GALNS: variants seen among roughly 807,000 people sequenced by gnomAD.
The protein encoded by GALNS is galactosamine (N-acetyl)-6-sulfatase.
GALNS carries 65 observed loss-of-function variants against 65.9 expected under a neutral mutation model. That is an observed-to-expected ratio of 0.99 (90% CI 0.81 to 1.21). The LOEUF is 1.21. Among genes scored for constraint, GALNS ranks in the 50% most tolerant of loss-of-function variants. GALNS has a pLI of 0.00. For synonymous variants in GALNS, 346 were observed against 288.9 expected (o/e 1.20, Z -2.00); for missense variants, 776 against 700.7 (o/e 1.11, Z -1.21).
chr16:88,833,032 C>G (rs374459194), intron 8 of GALNS, among the ~76,000 whole-genome samples: 7 of 141,936 alleles, frequency 4.9e-5, no homozygotes, highest in African/African-American at 1.9e-4. Flanking sequence ...GAGCTGAGAT[C>G]GCGCCACTGC....
At chr16:88,843,635 G>A (rs896952588) in intron 1 of GALNS, 18 of 177,444 alleles carry the variant, frequency 1.0e-4, no homozygotes, top group Non-Finnish European at 1.5e-4. Flanking sequence ...CTGGAGTGAC[G>A]CAGCCACCAG....
At chr16:88,827,267 A>C (rs988542643) in intron 9 of GALNS, among the ~76,000 whole-genome samples, 2 of 152,168 alleles carry the variant, frequency 1.3e-5, no homozygotes, top group Non-Finnish European at 2.9e-5. Context: ...GAGGCTGGAC[A>C]GGAGCAGCTC....
At chr16:88,849,933 C>T (rs1967429185) in intron 1 of GALNS, among the ~76,000 whole-genome samples, 1 of 152,220 alleles carries the variant, frequency 6.6e-6, no homozygotes, top group African/African-American at 2.4e-5. Flanking sequence ...GGCGAATGCG[C>T]CCATGTCAGG....
chr16:88,839,676 C>A (rs1966881026), intron 4 of GALNS, among the ~76,000 whole-genome samples: 1 of 152,220 alleles, frequency 6.6e-6, no homozygotes, highest in Admixed American at 6.5e-5. Context: ...AGGACCCAGC[C>A]CGGGCCATCC....
At chr16:88,826,881 A>G (rs1367645599) in intron 9 of GALNS, 43 bp from the exon 10 acceptor site, 1 of 1,551,914 alleles carries the variant, frequency 6.4e-7, no homozygotes, top group Non-Finnish European at 8.7e-7. Flanking sequence ...CTCTGCACCG[A>G]CCCGATGGGG....
chr16:88,823,513 C>G (rs1372687348), intron 11 of GALNS, among the ~76,000 whole-genome samples: 1 of 143,688 alleles, frequency 7.0e-6, no homozygotes, highest in Non-Finnish European at 1.5e-5. Context: ...ATGCCCAGGA[C>G]GGCCCTCGCA....
At chr16:88,850,258 G>A (rs767114475) in intron 1 of GALNS, among the ~76,000 whole-genome samples, 16 of 152,154 alleles carry the variant, frequency 1.1e-4, no homozygotes, top group Admixed American at 3.3e-4. Context: ...GAGTGAGGCC[G>A]CACATCTGAA....
intron 13 of GALNS, chr16:88,817,484 G>T: frequency 1.0e-6 from 1 of 985,418 alleles, no homozygotes; most frequent in Non-Finnish European, 1.2e-6. Context: ...AGGCACAAAT[G>T]AGAACCTCGC....
At chr16:88,840,735 A>G in intron 4 of GALNS, 1 of 523,606 alleles carries the variant, frequency 1.9e-6, no homozygotes. Context: ...TCGAGGGATG[A>G]CGGTGACAGG....
In GALNS at chr16:88,818,080, G is replaced by A. The variant is rs760260706; in HGVS notation, c.1409C>T (p.Ser470Leu). Reference sequence around the variant, plus strand: ...GGCCTCCTGGTGCTGCTGGACGACCGAGGTGATCCTGCTGAGGGCCTCCTG... The same window carrying A: ...GGCCTCCTGGTGCTGCTGGACGACCAAGGTGATCCTGCTGAGGGCCTCCTG... ...EYQEALSRIT[S>L]VVQQHQEALV... Residue 470 changes from serine to leucine, a missense_variant, in exon 13 of 14, where the codon TCG (serine) becomes TTG (leucine). By Grantham distance (145) the Ser-to-Leu change is moderately radical. Coordinates refer to ENST00000268695, the MANE Select transcript of GALNS (RefSeq NM_000512.5). 74 of 1,574,448 alleles carry A rather than the reference G, an allele frequency of 4.7e-5. No homozygotes were observed. The Admixed American group carries it at 1.2e-3, about 25-fold the overall frequency.
chr16:88,814,331 G>A lies in GALNS; in HGVS notation c.*108C>T, dbSNP rs1226263436. 7.0e-7 allele frequency: 1 copy of A among 1,429,878 alleles called. No homozygotes were observed. Among genetic ancestry groups the A allele is most frequent in the Non-Finnish European group, 9.6e-7 (1 of 1,039,962 alleles). 88.6% of individuals were successfully genotyped at this position (1,429,878 alleles called of 1,614,324 possible). On this transcript the variant is annotated 3_prime_UTR_variant, in exon 14 of 14. Transcript: ENST00000268695. ...CCCCCTGCGTCTGCAGGTGCTGTCT[G>A]TCTGGCTTGGGCAGGGTTGGGGGAG...
intron 4 of GALNS, among the ~76,000 whole-genome samples, chr16:88,839,567 C>A (rs1049093025): frequency 4.6e-5 from 7 of 152,234 alleles, no homozygotes; most frequent in African/African-American, 1.7e-4. Context: ...AGGTGAGGGG[C>A]CTCAGGGAAG....
At chr16:88,837,526 G>A (rs1388807623) in intron 5 of GALNS, 96 bp downstream of exon 5, 6 of 1,308,392 alleles carry the variant, frequency 4.6e-6, no homozygotes, top group East Asian at 2.3e-5. Flanking sequence ...GCCCTCATGA[G>A]TGGCGACTTG....
At chr16:88,814,677 TC>T (rs1909449142) in intron 13 of GALNS, 152 bp from the exon 14 acceptor site, 1 of 1,270,170 alleles carries the variant, frequency 7.9e-7, no homozygotes, top group Non-Finnish European at 1.1e-6. Context: ...CACTGCAACC[TC>T]TGCCTTCCGG....
chr16:88,856,268 G>T, intron 1 of GALNS: 2 of 703,052 alleles, frequency 2.8e-6, no homozygotes, highest in Non-Finnish European at 5.2e-6. Flanking sequence ...GCCCAGCGGG[G>T]GGACCCGGCG....
At chr16:88,837,054 C>T (rs762579804) in intron 5 of GALNS, among the ~76,000 whole-genome samples, 5 of 152,240 alleles carry the variant, frequency 3.3e-5, no homozygotes, top group Non-Finnish European at 5.9e-5. Context: ...TGCTTCTGGT[C>T]ACCGTCATGT....
At position 88,825,030 on chromosome 16, in the gene GALNS, G is replaced by T. The variant is rs75205147; in HGVS notation, c.1140-161C>A. Among the ~76,000 whole-genome samples, 5,338 of 150,174 alleles carry T rather than the reference G, an allele frequency of 0.036. 329 individuals carry two copies. The highest frequency in any genetic ancestry group is 0.12 in the African/African-American group (5,077 of 40,884). ...GAAAAGTAAAAAGGCCCGCAAGGTG[G>T]CTGGGGCTGGGGTGCCTGGGCGGCC... is the stretch of plus-strand genomic sequence containing the variant. On this transcript the variant is annotated intron_variant, in intron 10 of 13. Coordinates refer to ENST00000268695, the MANE Select transcript of GALNS (RefSeq NM_000512.5).
intron 12 of GALNS, among the ~76,000 whole-genome samples, chr16:88,821,037 A>T (rs1393556381): frequency 6.6e-6 from 1 of 152,074 alleles, no homozygotes; most frequent in African/African-American, 2.4e-5. Context: ...CAGGCCCCCC[A>T]TGGTTTCACG....
intron 1 of GALNS, among the ~76,000 whole-genome samples, chr16:88,852,537 G>C (rs1346545696): frequency 6.6e-6 from 1 of 152,220 alleles, no homozygotes; most frequent in African/African-American, 2.4e-5. Context: ...GAATGACTCT[G>C]ACGAGCTGAC....
Sources: allele counts gnomAD v4.1 joint callset (sites outside exome capture counted in the v4.1 genomes callset), GRCh38; gene constraint gnomAD v4.1.1; transcripts MANE v1.5; gene names NCBI Gene and HGNC (gene_info 2026-07-23, HGNC 2026-07-21).